The following PPM1L variants were observed in gnomAD, a reference collection of about 807,000 sequenced individuals.
PPM1L encodes protein phosphatase, Mg2+/Mn2+ dependent 1L.
A neutral mutation model predicts 31.4 loss-of-function variants in PPM1L; 13 were observed. The observed-to-expected ratio is 0.41, with a 90% CI of 0.27 to 0.66. The LOEUF (loss-of-function observed/expected upper bound fraction) is 0.66, where lower values mean the gene tolerates loss of function less well. Ranked by LOEUF, PPM1L falls within the 30% of genes least tolerant of loss-of-function variation. The probability of loss-of-function intolerance (pLI) is 0.29; values close to 1 mark genes in which losing one functional copy is unlikely to be tolerated. For synonymous variants in PPM1L, 184 were observed against 175.4 expected (o/e 1.05, Z -0.39); for missense variants, 326 against 453.7 (o/e 0.72, Z 2.56).
At chr3:160,944,057 T>C (rs1251857436) in intron 1 of PPM1L, among the ~76,000 whole-genome samples, 1 of 152,182 alleles carries the variant, frequency 6.6e-6, no homozygotes, top group Non-Finnish European at 1.5e-5. Flanking sequence ...ATCATCCTTG[T>C]TTATGGACTA....
intron 2 of PPM1L, among the ~76,000 whole-genome samples, chr3:161,015,369 AAC>A (rs1417298768): frequency 3.3e-5 from 5 of 152,184 alleles, no homozygotes; most frequent in Non-Finnish European, 7.3e-5. Context: ...AGTAAAACAA[AAC>A]AATTTGTCAA....
chr3:160,941,310 G>A (rs141928432), intron 1 of PPM1L, among the ~76,000 whole-genome samples: 144 of 152,236 alleles, frequency 9.5e-4, no homozygotes, highest in African/African-American at 3.4e-3. Context: ...GGACTGTTGG[G>A]AAGGCATGTT....
At chr3:161,007,147 G>C (rs1008906614) in intron 2 of PPM1L, among the ~76,000 whole-genome samples, 1 of 152,128 alleles carries the variant, frequency 6.6e-6, no homozygotes, top group East Asian at 1.9e-4. Context: ...TACACTCAAC[G>C]ACCTATATTC....
chr3:161,032,919 C>G (rs1406447993), intron 2 of PPM1L, among the ~76,000 whole-genome samples: 1 of 137,648 alleles, frequency 7.3e-6, no homozygotes, highest in Non-Finnish European at 1.5e-5. Context: ...CCATGTTGGT[C>G]AGGCTGGTCT....
intron 1 of PPM1L, among the ~76,000 whole-genome samples, chr3:160,793,849 G>T (rs1227607435): frequency 6.6e-6 from 1 of 152,158 alleles, no homozygotes; most frequent in Non-Finnish European, 1.5e-5. Flanking sequence ...GCAAATGAAG[G>T]ATTAAAACTT....
At chr3:160,941,046 T>A (rs958979681) in intron 1 of PPM1L, among the ~76,000 whole-genome samples, 1 of 152,126 alleles carries the variant, frequency 6.6e-6, no homozygotes, top group Non-Finnish European at 1.5e-5. Flanking sequence ...TCAAAGATCG[T>A]TTTGGAGCTT....
chr3:160,848,035 A>G (rs1337306619), intron 1 of PPM1L, among the ~76,000 whole-genome samples: 1 of 152,128 alleles, frequency 6.6e-6, no homozygotes, highest in African/African-American at 2.4e-5. Context: ...ATGGATGTAT[A>G]TTCCTTCTTA....
intron 2 of PPM1L, among the ~76,000 whole-genome samples, chr3:160,975,193 C>T (rs1034177374): frequency 6.6e-6 from 1 of 151,984 alleles, no homozygotes; most frequent in Admixed American, 6.6e-5. Flanking sequence ...AGATATGCGG[C>T]GTTATTTCTG....
At chr3:160,893,405 AGC>A (rs1336232513) in intron 1 of PPM1L, among the ~76,000 whole-genome samples, 1 of 152,214 alleles carries the variant, frequency 6.6e-6, no homozygotes, top group East Asian at 1.9e-4. Context: ...TAGCTCACTC[AGC>A]ATTTTTGTTT....
intron 1 of PPM1L, among the ~76,000 whole-genome samples, chr3:160,771,577 A>T: frequency 1.5e-5 from 2 of 136,612 alleles, no homozygotes; most frequent in African/African-American, 2.7e-5. Context: ...TTTTAAAAAG[A>T]GCATATTAAA....
At chr3:160,843,753 C>T (rs1713982735) in intron 1 of PPM1L, among the ~76,000 whole-genome samples, 1 of 151,686 alleles carries the variant, frequency 6.6e-6, no homozygotes, top group Non-Finnish European at 1.5e-5. Context: ...ACTAGAAATA[C>T]CATTTGACCC....
chr3:160,852,268 A>G (rs891817682), intron 1 of PPM1L, among the ~76,000 whole-genome samples: 2 of 152,190 alleles, frequency 1.3e-5, no homozygotes, highest in African/African-American at 2.4e-5. Flanking sequence ...AACTAGGACA[A>G]TTCAGTTTTT....
chr3:160,923,292 T>C (rs2108073443), intron 1 of PPM1L, among the ~76,000 whole-genome samples: 1 of 152,304 alleles, frequency 6.6e-6, no homozygotes, highest in Middle Eastern at 3.4e-3. Context: ...TTGGAATGAG[T>C]CACGTGTTAT....
At chr3:160,884,230 G>C (rs569447747) in intron 1 of PPM1L, among the ~76,000 whole-genome samples, 24 of 152,188 alleles carry the variant, frequency 1.6e-4, no homozygotes, top group Non-Finnish European at 2.6e-4. Context: ...TGGGAGTTTT[G>C]AAGGAGGGAG....
chr3:160,891,082 G>A (rs12633635), intron 1 of PPM1L, among the ~76,000 whole-genome samples: 113,976 of 152,058 alleles, frequency 0.75, 43,085 homozygotes, highest in Middle Eastern at 0.83. Context: ...CTTCATGATG[G>A]AAACACCAAA....
At chr3:161,009,349 T>C (rs1399635998) in intron 2 of PPM1L, among the ~76,000 whole-genome samples, 1 of 152,206 alleles carries the variant, frequency 6.6e-6, no homozygotes, top group African/African-American at 2.4e-5. Flanking sequence ...TGTTATTATA[T>C]AGGCTTACAT....
At chr3:160,844,773 A>G (rs144782388) in intron 1 of PPM1L, among the ~76,000 whole-genome samples, 2 of 152,232 alleles carry the variant, frequency 1.3e-5, no homozygotes, top group Non-Finnish European at 2.9e-5. Context: ...ATTCACCCAT[A>G]TAAAGTGTAC....
intron 1 of PPM1L, among the ~76,000 whole-genome samples, chr3:160,792,216 T>G (rs2108073523): frequency 6.6e-6 from 1 of 152,304 alleles, no homozygotes; most frequent in Middle Eastern, 3.4e-3. Context: ...TCAGAGGTGA[T>G]TAAAGTAATA....
At chr3:160,920,621 A>ACACACACACACACACACT (rs1448231367) in intron 1 of PPM1L, among the ~76,000 whole-genome samples, 1 of 71,206 alleles carries the variant, frequency 1.4e-5, no homozygotes, top group Non-Finnish European at 3.4e-5. Context: ...TCTCTCACAC[A>ACACACACACACACACACT]CACACACACA....
Sources: allele counts gnomAD v4.1 joint callset (sites outside exome capture counted in the v4.1 genomes callset), GRCh38; gene constraint gnomAD v4.1.1; transcripts MANE v1.5; gene names NCBI Gene and HGNC (gene_info 2026-07-23, HGNC 2026-07-21).